Variants in TAF4B observed in about 807,000 individuals in gnomAD.
TAF4B encodes the protein TATA-box binding protein associated factor 4b, also known as transcription initiation factor TFIID subunit 4B.
A neutral mutation model predicts 86.4 loss-of-function variants in TAF4B; 38 were observed. The observed-to-expected ratio is 0.44, with a 90% CI of 0.34 to 0.58. The LOEUF (loss-of-function observed/expected upper bound fraction) is 0.58, where lower values mean the gene tolerates loss of function less well. Among genes scored for constraint, TAF4B ranks in the 20% least tolerant of loss-of-function variants. The pLI, the probability that TAF4B is intolerant of heterozygous loss-of-function variation, is 0.02. For missense variants in TAF4B, 988 were observed against 1,027.6 expected, an observed-to-expected ratio of 0.96 and a Z score of 0.53; for synonymous variants, 388 against 391.2, an observed-to-expected ratio of 0.99 and a Z score of 0.10.
chr18:26,267,704 T>A, intron 3 of TAF4B, 81 bp downstream of exon 3: 1 of 950,430 alleles, frequency 1.1e-6, no homozygotes, highest in Non-Finnish European at 1.7e-6. Flanking sequence ...GTTAGATATG[T>A]AAGTTACTGT....
intron 14 of TAF4B, among the ~76,000 whole-genome samples, chr18:26,362,128 T>C (rs914888025): frequency 3.9e-5 from 6 of 152,200 alleles, no homozygotes; most frequent in African/African-American, 1.4e-4. Flanking sequence ...TAAGTATATG[T>C]GCTTTAGACT....
chr18:26,338,470 A>ATTTTTT (rs764826705), intron 13 of TAF4B, among the ~76,000 whole-genome samples: 74 of 71,184 alleles, frequency 1.0e-3, no homozygotes, highest in African/African-American at 1.7e-3. Flanking sequence ...AAGAACTAGA[A>ATTTTTT]TTTTTTTTTT....
In TAF4B at chr18:26,349,999, C is replaced by T. The variant is rs117935635; in HGVS notation, c.2317-7691C>T. Among the ~76,000 whole-genome samples the T allele has an allele frequency of 2.7e-3, 409 of 152,216 alleles. 5 individuals are homozygous for T. Among genetic ancestry groups the T allele is most frequent in the East Asian group, 0.019 (99 of 5,184 alleles). ...CTCAAAAAATAAGGTGCTGGGAAAG[C>T]GGGCATCCATATGCAGAAGAATAAA... On this transcript the variant is annotated intron_variant, in intron 13 of 14. Coordinates refer to ENST00000269142, the MANE Select transcript of TAF4B (RefSeq NM_005640.3).
At chr18:26,309,230 A>G (rs2056828032) in intron 9 of TAF4B, among the ~76,000 whole-genome samples, 1 of 140,920 alleles carries the variant, frequency 7.1e-6, no homozygotes, top group Admixed American at 7.4e-5. Flanking sequence ...CACTTTAGGG[A>G]AAAAACCTGA....
chr18:26,240,968 C>G (rs1245185037), intron 1 of TAF4B, among the ~76,000 whole-genome samples: 1 of 152,176 alleles, frequency 6.6e-6, no homozygotes, highest in Non-Finnish European at 1.5e-5. Context: ...TTTTGATGTG[C>G]TGCTGGATTC....
At chr18:26,285,008 C>T (rs2144591389) in intron 6 of TAF4B, among the ~76,000 whole-genome samples, 1 of 151,852 alleles carries the variant, frequency 6.6e-6, no homozygotes, top group Non-Finnish European at 1.5e-5. Flanking sequence ...TGCTCTGTCA[C>T]CCAGGCTGGG....
chr18:26,316,119 C>T (rs762070009), intron 10 of TAF4B, among the ~76,000 whole-genome samples: 121 of 152,030 alleles, frequency 8.0e-4, no homozygotes, highest in African/African-American at 2.6e-3. Flanking sequence ...GCATGAGAAT[C>T]GCTTGAACCC....
chr18:26,283,739 T>C (rs888284062), intron 6 of TAF4B, among the ~76,000 whole-genome samples: 2 of 152,186 alleles, frequency 1.3e-5, no homozygotes, highest in African/African-American at 2.4e-5. Flanking sequence ...CAATAGAAGG[T>C]TGTTTTGTCT....
intron 5 of TAF4B, among the ~76,000 whole-genome samples, chr18:26,280,512 C>A (rs1280632412): frequency 2.0e-5 from 3 of 152,126 alleles, no homozygotes; most frequent in Admixed American, 1.3e-4. Context: ...ACAGACATTT[C>A]TGAAAAGAAG....
intron 14 of TAF4B, among the ~76,000 whole-genome samples, chr18:26,363,926 A>G (rs1485913448): frequency 6.6e-6 from 1 of 152,204 alleles, no homozygotes; most frequent in African/African-American, 2.4e-5. Context: ...TCAGTTGGGA[A>G]GATTGAATAG....
chr18:26,288,154 T>C (rs2056547925), intron 7 of TAF4B, among the ~76,000 whole-genome samples: 1 of 152,220 alleles, frequency 6.6e-6, no homozygotes, highest in Non-Finnish European at 1.5e-5. Context: ...ATGTCATAGT[T>C]GTTTCTTGAA....
rs572600425 is a variant in TAF4B, at chr18:26,327,951, G to A, written c.2259+811G>A. Among the ~76,000 whole-genome samples, 200 of 152,296 alleles carry A rather than the reference G, an allele frequency of 1.3e-3. 1 individual carries two copies. Among genetic ancestry groups the A allele is most frequent in the Non-Finnish European group, 2.2e-3 (148 of 68,024 alleles). On this transcript the variant is annotated intron_variant, in intron 12 of 14. Coordinates refer to ENST00000269142, the MANE Select transcript of TAF4B (RefSeq NM_005640.3). Reference sequence around the variant, plus strand: ...TTCTTGGGCTATTAGTGTCACATGAGGTAAAAGCTAATTCCACTACAGTTT... The same window carrying A: ...TTCTTGGGCTATTAGTGTCACATGAAGTAAAAGCTAATTCCACTACAGTTT...
intron 14 of TAF4B, among the ~76,000 whole-genome samples, chr18:26,371,089 A>G (rs897987667): frequency 9.2e-5 from 14 of 152,184 alleles, no homozygotes; most frequent in African/African-American, 2.9e-4. Flanking sequence ...TCATTTATGA[A>G]TAAGTGAGGC....
chr18:26,255,280 G>A (rs1476993361), intron 1 of TAF4B, among the ~76,000 whole-genome samples: 1 of 151,246 alleles, frequency 6.6e-6, no homozygotes, highest in East Asian at 1.9e-4. Flanking sequence ...TCTTTTTTTA[G>A]TAAGTTAGAC....
rs2144733482 is a variant in TAF4B, at chr18:26,357,670, T to A, written c.2317-20T>A. On this transcript the variant is annotated intron_variant, in intron 13 of 14. Coordinates refer to ENST00000269142, the MANE Select transcript of TAF4B (RefSeq NM_005640.3). The stretch of plus-strand genomic sequence containing the variant: ...CATGAATGTGTATAAACATTGATAT[T>A]TTTTTCTTCCGTCTTCTAGTTACAG... 6.4e-7 allele frequency: 1 copy of A among 1,563,786 alleles called. No homozygotes were observed. Among genetic ancestry groups the A allele is most frequent in the East Asian group, 2.2e-5 (1 of 44,468 alleles).
Position 26,285,222 on chromosome 18 carries a change from GTTTT to G in TAF4B, c.973-649_973-646del, listed in dbSNP as rs776976703. Among the ~76,000 whole-genome samples, 9 of 45,662 alleles carry G rather than the reference GTTTT, an allele frequency of 2.0e-4. No individual in the cohort carries two copies. The Admixed American group carries it at 2.8e-3, about 14-fold the overall frequency. 30.0% of individuals were successfully genotyped at this position (45,662 alleles called of 152,430 possible). A position where few individuals can be genotyped will look rare whatever the true frequency, so the allele number is the denominator to read the frequency against. On this transcript the variant is annotated intron_variant, in intron 6 of 14. Transcript: ENST00000269142. The stretch of plus-strand genomic sequence containing the variant: ...ATTTCTTCCTTTCCTTTTTTTTTTT[GTTTT>G]TTTTTTTTTTGGAGATGGGGTCTTG...
At chr18:26,233,878 A>C (rs1373938848) in intron 1 of TAF4B, among the ~76,000 whole-genome samples, 2 of 152,166 alleles carry the variant, frequency 1.3e-5, no homozygotes, top group Non-Finnish European at 2.9e-5. Context: ...GAGGGGCCTT[A>C]CGATGGACCA....
intron 3 of TAF4B, 128 bp from the exon 4 acceptor site, chr18:26,274,535 C>A: frequency 1.0e-6 from 1 of 987,936 alleles, no homozygotes; most frequent in Non-Finnish European, 1.5e-6. Context: ...ATTATATTGC[C>A]TTAGACTACT....
intron 14 of TAF4B, among the ~76,000 whole-genome samples, chr18:26,378,250 T>C (rs1410886297): frequency 6.6e-6 from 1 of 152,176 alleles, no homozygotes; most frequent in Non-Finnish European, 1.5e-5. Context: ...AAAATTCTAA[T>C]AATATCCCCA....
Sources: allele counts gnomAD v4.1 joint callset (sites outside exome capture counted in the v4.1 genomes callset), GRCh38; gene constraint gnomAD v4.1.1; transcripts MANE v1.5; gene names NCBI Gene and HGNC (gene_info 2026-07-23, HGNC 2026-07-21).